SH3GL2: variants seen among roughly 807,000 people sequenced by gnomAD.
SH3GL2 encodes SH3 domain containing GRB2 like 2, endophilin A1.
Under a neutral mutation model 46.0 loss-of-function variants are expected in SH3GL2, and 24 were observed. The observed-to-expected ratio is 0.52, with a 90% CI of 0.38 to 0.73. The LOEUF is 0.73. Ranked by LOEUF, SH3GL2 falls within the 30% of genes least tolerant of loss-of-function variation. The probability of loss-of-function intolerance (pLI) is 0.00; values close to 1 mark genes in which losing one functional copy is unlikely to be tolerated. For synonymous variants in SH3GL2, 196 were observed against 147.1 expected (o/e 1.33, Z -2.40); for missense variants, 413 against 424.2 (o/e 0.97, Z 0.23).
At chr9:17,742,619 A>G (rs1289472143) in intron 1 of SH3GL2, among the ~76,000 whole-genome samples, 2 of 152,206 alleles carry the variant, frequency 1.3e-5, no homozygotes, top group African/African-American at 4.8e-5. Flanking sequence ...ACAAAACTAC[A>G]TTGCAGTGAA....
intron 2 of SH3GL2, among the ~76,000 whole-genome samples, chr9:17,752,953 A>T (rs1414732511): frequency 6.6e-6 from 1 of 152,136 alleles, no homozygotes; most frequent in Admixed American, 6.5e-5. Flanking sequence ...AAGTGAGAAC[A>T]TGTGGTATTT....
intron 1 of SH3GL2, among the ~76,000 whole-genome samples, chr9:17,622,464 A>G (rs1819166573): frequency 6.6e-6 from 1 of 152,200 alleles, no homozygotes; most frequent in Non-Finnish European, 1.5e-5. Context: ...TAAGGACACT[A>G]GAATTGGGTG....
At chr9:17,730,417 G>A (rs752420049) in intron 1 of SH3GL2, among the ~76,000 whole-genome samples, 1 of 152,122 alleles carries the variant, frequency 6.6e-6, no homozygotes, top group East Asian at 1.9e-4. Flanking sequence ...GAGACAGTTT[G>A]AATTCGTCTC....
At chr9:17,701,550 G>T (rs1024650232) in intron 1 of SH3GL2, among the ~76,000 whole-genome samples, 3 of 152,106 alleles carry the variant, frequency 2.0e-5, no homozygotes, top group South Asian at 2.1e-4. Flanking sequence ...TGATATGATT[G>T]TATACCTAGA....
intron 3 of SH3GL2, among the ~76,000 whole-genome samples, chr9:17,771,289 A>G (rs1823473157): frequency 1.3e-5 from 2 of 152,312 alleles, no homozygotes; most frequent in African/African-American, 4.8e-5. Flanking sequence ...CAGTTCCACC[A>G]AAGACTGAAG....
intron 1 of SH3GL2, among the ~76,000 whole-genome samples, chr9:17,647,134 T>C (rs112154289): frequency 1.8e-3 from 278 of 152,302 alleles, no homozygotes; most frequent in African/African-American, 6.4e-3. Flanking sequence ...TCAAAATTCT[T>C]GTGTTCTAAT....
At position 17,625,496 on chromosome 9, in the gene SH3GL2, G is replaced by T. The variant is rs1480216865; in HGVS notation, c.45+46209G>T. Among the ~76,000 whole-genome samples the T allele has an allele frequency of 2.6e-5, 4 of 152,088 alleles. No homozygotes were observed. In the East Asian group the frequency reaches 7.7e-4, roughly 29 times the overall value. On this transcript the variant is annotated intron_variant, in intron 1 of 8. Coordinates refer to ENST00000380607, the MANE Select transcript of SH3GL2 (RefSeq NM_003026.5). ...GCATTCCTACTTTTCTCATCTCATG[G>T]GATCCTCTGGACAATACCTTGTGTG...
chr9:17,608,744 A>C (rs551746942), intron 1 of SH3GL2, among the ~76,000 whole-genome samples: 9 of 152,334 alleles, frequency 5.9e-5, no homozygotes, highest in African/African-American at 2.2e-4. Context: ...CTGAAGGTTA[A>C]AAACAAGGAA....
At chr9:17,632,508 A>G (rs1361210058) in intron 1 of SH3GL2, among the ~76,000 whole-genome samples, 1 of 152,184 alleles carries the variant, frequency 6.6e-6, no homozygotes, top group East Asian at 1.9e-4. Context: ...GAGCATGCCC[A>G]TATTCTTAGA....
At chr9:17,662,703 CTTTTTTTTTTTTT>C (rs559842403) in intron 1 of SH3GL2, among the ~76,000 whole-genome samples, 22 of 96,962 alleles carry the variant, frequency 2.3e-4, no homozygotes, top group African/African-American at 8.3e-4. Flanking sequence ...TTGGCCAAGT[CTTTTTTTTTTTTT>C]TTTTTTTTTT....
intron 3 of SH3GL2, among the ~76,000 whole-genome samples, chr9:17,772,020 C>A (rs9406710): frequency 6.6e-6 from 1 of 151,986 alleles, no homozygotes; most frequent in East Asian, 1.9e-4. Flanking sequence ...TCTGTCATTT[C>A]GTAATTGTTA....
At chr9:17,618,535 G>A (rs1588177286) in intron 1 of SH3GL2, among the ~76,000 whole-genome samples, 1 of 152,140 alleles carries the variant, frequency 6.6e-6, no homozygotes, top group South Asian at 2.1e-4. Flanking sequence ...TCATAATTCA[G>A]TTAGCAGTAA....
intron 1 of SH3GL2, among the ~76,000 whole-genome samples, chr9:17,683,825 A>G (rs937533504): frequency 1.3e-5 from 2 of 152,118 alleles, no homozygotes; most frequent in East Asian, 3.9e-4. Flanking sequence ...ACCAGCCCCA[A>G]CTGAAGAACA....
At chr9:17,619,642 G>A (rs7870195) in intron 1 of SH3GL2, among the ~76,000 whole-genome samples, 56,568 of 151,354 alleles carry the variant, frequency 0.37, 10,912 homozygotes, top group East Asian at 0.59. Context: ...TCACCATTGC[G>A]CTCTAGCCTG....
At chr9:17,795,104 A>G (rs1824239438) in intron 8 of SH3GL2, among the ~76,000 whole-genome samples, 2 of 152,200 alleles carry the variant, frequency 1.3e-5, no homozygotes, top group South Asian at 4.1e-4. Context: ...AATTCACCAT[A>G]CTTTTTCAGA....
intron 1 of SH3GL2, among the ~76,000 whole-genome samples, chr9:17,714,588 C>G (rs970783458): frequency 2.6e-5 from 4 of 151,728 alleles, no homozygotes; most frequent in African/African-American, 9.7e-5. Context: ...TTTAACATCA[C>G]AGTTTAAGTG....
At chr9:17,733,913 T>C (rs1371578866) in intron 1 of SH3GL2, among the ~76,000 whole-genome samples, 2 of 151,816 alleles carry the variant, frequency 1.3e-5, no homozygotes, top group Admixed American at 6.6e-5. Context: ...TAGGTGGGAA[T>C]TGAACAATGA....
intron 1 of SH3GL2, among the ~76,000 whole-genome samples, chr9:17,587,045 T>C (rs554167961): frequency 1.1e-3 from 166 of 152,030 alleles, no homozygotes; most frequent in Non-Finnish European, 6.0e-4. Flanking sequence ...CTACTAAAAA[T>C]GGGAAAATTA....
rs1369506872 is a variant in SH3GL2, at chr9:17,796,974, A to G, written c.*1231A>G. The G allele has an allele frequency of 6.6e-6, 1 of 152,634 alleles. No homozygotes were observed. The highest frequency in any genetic ancestry group is 1.5e-5 in the Non-Finnish European group (1 of 68,038). The allele number at this position is 152,634 out of a possible 1,614,324, so 9.5% of individuals were successfully genotyped here. A position where few individuals can be genotyped will look rare whatever the true frequency, so the allele number is the denominator to read the frequency against. ...TGCAGAGTTCTATTTATCTAGCTGT[A>G]CAGACTCTTTCAGAGGTTTAACGTG... On this transcript the variant is annotated 3_prime_UTR_variant, in exon 9 of 9. Transcript: ENST00000380607.
Sources: gnomAD v4.1 joint callset for allele counts (sites outside exome capture counted in the v4.1 genomes callset) on GRCh38, gnomAD v4.1.1 for gene constraint, MANE v1.5 for transcripts, NCBI Gene and HGNC (gene_info 2026-07-23, HGNC 2026-07-21) for gene names.